Variants in SH3PXD2A observed in about 807,000 individuals in gnomAD.
SH3PXD2A encodes the protein SH3 and PX domain-containing protein 2A.
In SH3PXD2A, 32 loss-of-function variants were observed where a neutral mutation model predicts 115.2. The observed-to-expected ratio is 0.28, with a 90% CI of 0.21 to 0.37. SH3PXD2A has a LOEUF of 0.37. Ranked by LOEUF, SH3PXD2A falls within the 10% of genes least tolerant of loss-of-function variation. The pLI is 1.00. For synonymous variants in SH3PXD2A, 610 were observed against 629.1 expected, an observed-to-expected ratio of 0.97 and a Z score of 0.45; for missense variants, 1,328 against 1,498.7, an observed-to-expected ratio of 0.89 and a Z score of 1.88.
At chr10:103,697,547 G>A (rs191386603) in intron 5 of SH3PXD2A, among the ~76,000 whole-genome samples, 1 of 152,108 alleles carries the variant, frequency 6.6e-6, no homozygotes, top group African/African-American at 2.4e-5. Context: ...GTCTAGCGCC[G>A]AGCACCAGGA....
chr10:103,787,843 C>T (rs2038995299), intron 2 of SH3PXD2A, among the ~76,000 whole-genome samples: 1 of 152,316 alleles, frequency 6.6e-6, no homozygotes, highest in East Asian at 1.9e-4. Context: ...CTGGGCTCTT[C>T]CCGAGCCCCT....
intron 3 of SH3PXD2A, among the ~76,000 whole-genome samples, chr10:103,736,336 C>A (rs1295808566): frequency 6.6e-6 from 1 of 152,220 alleles, no homozygotes; most frequent in Admixed American, 6.5e-5. Context: ...TCCCTGGCCT[C>A]GCTGCACACA....
chr10:103,837,242 C>G (rs1484518080), intron 1 of SH3PXD2A, among the ~76,000 whole-genome samples: 1 of 152,262 alleles, frequency 6.6e-6, no homozygotes, highest in Non-Finnish European at 1.5e-5. Flanking sequence ...TCCTCTCTAA[C>G]GAGAAACCCA....
chr10:103,824,895 C>T (rs1234318627), intron 1 of SH3PXD2A, among the ~76,000 whole-genome samples: 6 of 152,150 alleles, frequency 3.9e-5, no homozygotes, highest in Non-Finnish European at 7.4e-5. Flanking sequence ...CTCCACCTCC[C>T]GGATTCAAGC....
intron 5 of SH3PXD2A, among the ~76,000 whole-genome samples, chr10:103,712,010 A>T (rs7917880): frequency 2.0e-5 from 3 of 151,302 alleles, no homozygotes; most frequent in African/African-American, 7.3e-5. Context: ...TGTGCCACTG[A>T]GCTCCAGCCT....
Position 103,613,123 on chromosome 10 carries a change from G to A in SH3PXD2A, c.988C>T (p.Arg330Trp), listed in dbSNP as rs746032143. 11 of 1,613,704 alleles carry A rather than the reference G, an allele frequency of 6.8e-6. No individual in the cohort carries two copies. The highest frequency in any genetic ancestry group is 5.5e-5 in the South Asian group (5 of 90,992). ...ACTGGGCCGGCCAGGTTCTTCTTCC[G>A]GGTTGGCAGGTCATCCTTGGCCTTC... ...LKKAKDDLPT[R>W]KKNLAGPVEI... The change falls in exon 12 of 15, where the codon CGG becomes TGG. Residue 330 changes from arginine (R) to tryptophan (W), a missense_variant. By Grantham distance (101) the Arg-to-Trp change is moderately radical. Around this residue, in one of 5 missense-constraint regions of SH3PXD2A, gnomAD observed 509 missense variants for 628.3 expected, o/e 0.81. Transcript: ENST00000369774.
At chr10:103,816,280 T>C (rs768954175) in intron 1 of SH3PXD2A, among the ~76,000 whole-genome samples, 9 of 152,194 alleles carry the variant, frequency 5.9e-5, no homozygotes, top group Non-Finnish European at 8.8e-5. Context: ...ACATGCAACT[T>C]TTATTGAAAA....
At chr10:103,772,414 C>A (rs538479716) in intron 2 of SH3PXD2A, among the ~76,000 whole-genome samples, 1 of 152,182 alleles carries the variant, frequency 6.6e-6, no homozygotes, top group Non-Finnish European at 1.5e-5. Context: ...GAGAGTTCTC[C>A]GGGACCACCT....
intron 2 of SH3PXD2A, among the ~76,000 whole-genome samples, chr10:103,783,069 A>T (rs1456792959): frequency 6.6e-6 from 1 of 152,152 alleles, no homozygotes; most frequent in Admixed American, 6.5e-5. Flanking sequence ...TGGTGGCAGC[A>T]CTGCGCTTGG....
chr10:103,680,473 C>T (rs370609126), intron 6 of SH3PXD2A, among the ~76,000 whole-genome samples: 4 of 151,696 alleles, frequency 2.6e-5, no homozygotes, highest in Admixed American at 6.6e-5. Flanking sequence ...GAAGGGGTCT[C>T]ACTAGGTTGC....
At chr10:103,606,010 C>A in intron 13 of SH3PXD2A, 93 bp from the exon 14 acceptor site, 1 of 1,360,944 alleles carries the variant, frequency 7.3e-7, no homozygotes, top group Non-Finnish European at 1.0e-6. Context: ...CCAGGGGGTG[C>A]GGATGGCCGT....
At chr10:103,722,718 C>T (rs1453096820) in intron 5 of SH3PXD2A, among the ~76,000 whole-genome samples, 2 of 151,738 alleles carry the variant, frequency 1.3e-5, no homozygotes, top group East Asian at 3.9e-4. Context: ...GGGGAAGTTA[C>T]GAGGGATCTG....
chr10:103,731,193 C>G (rs926194292), intron 4 of SH3PXD2A, among the ~76,000 whole-genome samples: 7 of 151,412 alleles, frequency 4.6e-5, no homozygotes, highest in Admixed American at 4.6e-4. Context: ...CAGGGTCTCA[C>G]TGTGTTGCCC....
intron 5 of SH3PXD2A, among the ~76,000 whole-genome samples, chr10:103,704,077 TC>T (rs1175074965): frequency 2.0e-5 from 3 of 152,178 alleles, no homozygotes; most frequent in Non-Finnish European, 4.4e-5. Context: ...ACACAGATCC[TC>T]CACCTGCTCC....
chr10:103,613,645 A>G (rs1015967277), intron 11 of SH3PXD2A, among the ~76,000 whole-genome samples: 2 of 152,210 alleles, frequency 1.3e-5, no homozygotes, highest in African/African-American at 2.4e-5. Context: ...TTGACTCCAG[A>G]AGGTGAGAGT....
intron 8 of SH3PXD2A, among the ~76,000 whole-genome samples, chr10:103,642,460 CCTCT>C (rs1286221231): frequency 6.6e-6 from 1 of 152,132 alleles, no homozygotes; most frequent in African/African-American, 2.4e-5. Flanking sequence ...ATTGATATTG[CCTCT>C]CTGCCACCTA....
At chr10:103,846,911 C>A (rs114622289) in intron 1 of SH3PXD2A, among the ~76,000 whole-genome samples, 55 of 152,352 alleles carry the variant, frequency 3.6e-4, no homozygotes, top group African/African-American at 1.3e-3. Flanking sequence ...TCTGGCAATT[C>A]ATTTGAGCTC....
At chr10:103,801,233 C>T (rs1253082005) in intron 2 of SH3PXD2A, 49 bp downstream of exon 2, 1 of 1,162,590 alleles carries the variant, frequency 8.6e-7, no homozygotes, top group Non-Finnish European at 1.3e-6. Context: ...TGAGAGAGGC[C>T]AGCCCACCAG....
In SH3PXD2A at chr10:103,601,768, TG is replaced by T. The variant is rs2036217819; in HGVS notation, c.*47del. 1 of 1,039,132 alleles carries T rather than the reference TG, an allele frequency of 9.6e-7. No homozygotes were observed. The highest frequency in any genetic ancestry group is 1.3e-6 in the Non-Finnish European group (1 of 785,666). 64.4% of individuals were successfully genotyped at this position (1,039,132 alleles called of 1,614,324 possible). A position where few individuals can be genotyped will look rare whatever the true frequency, so the allele number is the denominator to read the frequency against. On this transcript the variant is annotated 3_prime_UTR_variant, in exon 15 of 15. Coordinates refer to ENST00000369774, the MANE Select transcript of SH3PXD2A (RefSeq NM_001394015.1). ...TTTGTTCGTCTCACCGCTCATCCAG[TG>T]GGCGGCCAGAGAGGCACACTGAGGC...
Sources: allele counts gnomAD v4.1 joint callset (sites outside exome capture counted in the v4.1 genomes callset), GRCh38; gene constraint gnomAD v4.1.1; regional missense constraint gnomAD v4.1.1; transcripts MANE v1.5; gene names NCBI Gene and HGNC (gene_info 2026-07-23, HGNC 2026-07-21).